The following TMTC1 variants were observed in gnomAD, a reference collection of about 807,000 sequenced individuals.
The protein encoded by TMTC1 is transmembrane O-mannosyltransferase targeting cadherins 1.
TMTC1 carries 73 observed loss-of-function variants against 104.8 expected under a neutral mutation model. The observed-to-expected ratio is 0.70, with a 90% CI of 0.58 to 0.85. The LOEUF (loss-of-function observed/expected upper bound fraction) is 0.85. Ranked by LOEUF, TMTC1 falls within the 40% of genes least tolerant of loss-of-function variation. The pLI, the probability that TMTC1 is intolerant of heterozygous loss-of-function variation, is 0.00. For synonymous variants in TMTC1, 434 were observed against 428.7 expected (o/e 1.01, Z -0.15); for missense variants, 1,035 against 1,096.1 (o/e 0.94, Z 0.79).
At chr12:29,664,479 T>G (rs7136275) in intron 5 of TMTC1, among the ~76,000 whole-genome samples, 1 of 152,222 alleles carries the variant, frequency 6.6e-6, no homozygotes, top group African/African-American at 2.4e-5. Context: ...CCTCTTCCCC[T>G]ACCCACACCA....
At chr12:29,762,221 G>A (rs997856280) in intron 2 of TMTC1, among the ~76,000 whole-genome samples, 3 of 152,094 alleles carry the variant, frequency 2.0e-5, no homozygotes, top group African/African-American at 7.2e-5. Context: ...AACCATTCAA[G>A]GTCTGAATGT....
intron 10 of TMTC1, among the ~76,000 whole-genome samples, chr12:29,555,488 C>T (rs569486327): frequency 1.0e-3 from 154 of 148,920 alleles, no homozygotes; most frequent in Non-Finnish European, 1.6e-3. Context: ...CCCTACCCCC[C>T]GACAGGCCCC....
intron 6 of TMTC1, among the ~76,000 whole-genome samples, chr12:29,629,260 G>T (rs1385993862): frequency 6.6e-6 from 1 of 151,810 alleles, no homozygotes. Flanking sequence ...GGTGGAGTTT[G>T]CAGTTAGTGG....
At chr12:29,601,588 A>G (rs1223122984) in intron 7 of TMTC1, among the ~76,000 whole-genome samples, 9 of 152,086 alleles carry the variant, frequency 5.9e-5, no homozygotes, top group Admixed American at 5.2e-4. Flanking sequence ...AGATGTTCCT[A>G]TCAGGGAAGC....
intron 5 of TMTC1, among the ~76,000 whole-genome samples, chr12:29,717,439 G>A (rs989474142): frequency 6.6e-6 from 1 of 152,096 alleles, no homozygotes; most frequent in Non-Finnish European, 1.5e-5. Flanking sequence ...GCCTGTAATG[G>A]CTCAGCCTCA....
rs150383352 is a variant in TMTC1, at chr12:29,506,849, T to C, written c.2646A>G (p.Thr882=). 4.9e-4 allele frequency: 783 copies of C among 1,614,072 alleles called. 3 individuals are homozygous for C. Among genetic ancestry groups the C allele is most frequent in the Non-Finnish European group, 4.7e-4 (560 of 1,179,944 alleles). Residue 882 remains threonine (T), a synonymous_variant, in exon 18 of 18, where the codon ACA becomes ACG. Transcript: ENST00000539277. ...GAGGTTGGGTCAGACGGTGGTGCTA[T>C]GTTTGATCCTTTTCTCGAACTTCTT... The part of the protein sequence containing the change: ...RLQEVREKDQ[T]
At chr12:29,626,994 C>T (rs370601708) in intron 6 of TMTC1, among the ~76,000 whole-genome samples, 6 of 151,978 alleles carry the variant, frequency 3.9e-5, no homozygotes, top group East Asian at 1.9e-4. Context: ...CTCAGCTACT[C>T]GGGAGGCTGA....
intron 10 of TMTC1, among the ~76,000 whole-genome samples, chr12:29,541,557 T>C (rs1030133121): frequency 6.6e-6 from 1 of 152,066 alleles, no homozygotes; most frequent in Non-Finnish European, 1.5e-5. Flanking sequence ...CTCTCCTAAA[T>C]AATATCCTTC....
At chr12:29,779,492 A>C (rs1342553399) in intron 1 of TMTC1, among the ~76,000 whole-genome samples, 1 of 152,228 alleles carries the variant, frequency 6.6e-6, no homozygotes, top group Non-Finnish European at 1.5e-5. Flanking sequence ...TTCATTTCTT[A>C]CTTGAAAAAA....
At chr12:29,753,204 G>T (rs899288988) in intron 4 of TMTC1, among the ~76,000 whole-genome samples, 4 of 152,192 alleles carry the variant, frequency 2.6e-5, no homozygotes, top group Non-Finnish European at 5.9e-5. Flanking sequence ...AGATAAAGTA[G>T]GGACTGGGGA....
At chr12:29,718,101 A>AAAAC (rs1184290627) in intron 5 of TMTC1, among the ~76,000 whole-genome samples, 3 of 152,174 alleles carry the variant, frequency 2.0e-5, no homozygotes, top group Non-Finnish European at 2.9e-5. Context: ...CACACTCACC[A>AAAAC]AAACAAACAA....
intron 3 of TMTC1, among the ~76,000 whole-genome samples, chr12:29,758,044 A>G (rs1318103669): frequency 2.0e-5 from 3 of 152,182 alleles, no homozygotes; most frequent in African/African-American, 4.8e-5. Context: ...ATCACAGGAC[A>G]TGCTCTGAGC....
chr12:29,585,534 G>T (rs1245540745), intron 7 of TMTC1, among the ~76,000 whole-genome samples: 1 of 152,184 alleles, frequency 6.6e-6, no homozygotes. Context: ...GTCCTGAATG[G>T]TATTGCCTAG....
chr12:29,529,244 T>A (rs1389632960), intron 11 of TMTC1, among the ~76,000 whole-genome samples: 2 of 151,964 alleles, frequency 1.3e-5, no homozygotes, highest in Non-Finnish European at 2.9e-5. Context: ...ACCCTGGGGG[T>A]CTCCAGTCAA....
chr12:29,526,834 T>A (rs894045803), intron 11 of TMTC1, among the ~76,000 whole-genome samples: 5 of 152,182 alleles, frequency 3.3e-5, no homozygotes, highest in Non-Finnish European at 7.3e-5. Context: ...TTTAATATAA[T>A]AACCATAATT....
chr12:29,654,357 T>A (rs1376031421), intron 5 of TMTC1, among the ~76,000 whole-genome samples: 2 of 152,140 alleles, frequency 1.3e-5, no homozygotes, highest in African/African-American at 4.8e-5. Context: ...TTCAACATCA[T>A]TAGCCACCAG....
chr12:29,744,489 GCTAA>G (rs1942902466), intron 5 of TMTC1, among the ~76,000 whole-genome samples: 1 of 152,178 alleles, frequency 6.6e-6, no homozygotes, highest in African/African-American at 2.4e-5. Context: ...AGCTTTTAGT[GCTAA>G]CTTTTGAATG....
intron 10 of TMTC1, among the ~76,000 whole-genome samples, chr12:29,541,432 G>A (rs911856972): frequency 3.3e-5 from 5 of 152,160 alleles, no homozygotes; most frequent in Non-Finnish European, 7.4e-5. Context: ...GGTAGGTACT[G>A]TCTATGTTTT....
chr12:29,715,997 T>TATTATC (rs1942067880), intron 5 of TMTC1, among the ~76,000 whole-genome samples: 1 of 137,854 alleles, frequency 7.3e-6, no homozygotes, highest in East Asian at 2.0e-4. Flanking sequence ...GTATTATTAT[T>TATTATC]ATTATTATTA....
Sources: gnomAD v4.1 joint callset for allele counts (sites outside exome capture counted in the v4.1 genomes callset) on GRCh38, gnomAD v4.1.1 for gene constraint, MANE v1.5 for transcripts, NCBI Gene and HGNC (gene_info 2026-07-23, HGNC 2026-07-21) for gene names.